Variants in EXT1 observed in about 807,000 individuals in gnomAD.
EXT1 encodes exostosin-1.
Under a neutral mutation model 82.5 loss-of-function variants are expected in EXT1, and 20 were observed. The observed-to-expected ratio is 0.24, with a 90% CI of 0.17 to 0.35. The LOEUF (loss-of-function observed/expected upper bound fraction) is 0.35, where lower values mean the gene tolerates loss of function less well. EXT1 is among the 10% of genes least tolerant of loss of function. The pLI, the probability that EXT1 is intolerant of heterozygous loss-of-function variation, is 1.00. For synonymous variants in EXT1, 348 were observed against 350.8 expected (o/e 0.99, Z 0.09); for missense variants, 757 against 936.5 (o/e 0.81, Z 2.50).
chr8:117,926,795 A>G (rs1203063871), intron 1 of EXT1, among the ~76,000 whole-genome samples: 1 of 152,214 alleles, frequency 6.6e-6, no homozygotes, highest in Non-Finnish European at 1.5e-5. Context: ...ATGTTTATTT[A>G]CCTTCTATTT....
intron 1 of EXT1, among the ~76,000 whole-genome samples, chr8:117,949,420 T>C (rs1421643956): frequency 6.6e-6 from 1 of 151,394 alleles, no homozygotes; most frequent in African/African-American, 2.4e-5. Context: ...GACATATTTA[T>C]AATCCACAGG....
chr8:118,074,226 C>T (rs1817162075), intron 1 of EXT1, among the ~76,000 whole-genome samples: 1 of 152,112 alleles, frequency 6.6e-6, no homozygotes, highest in African/African-American at 2.4e-5. Flanking sequence ...TCTGAGATCA[C>T]CACCACAAAA....
In EXT1 at chr8:117,938,380, T is replaced by C. The variant is rs1315157280; in HGVS notation, c.963-101179A>G. On this transcript the variant is annotated intron_variant, in intron 1 of 10. Transcript: ENST00000378204. ...AGGAGGCTGAGGTGGGAGAATTGCT[T>C]GAGGCCAGGAGGTAAAGGTTGCGGT... is the stretch of plus-strand genomic sequence containing the variant. Among the ~76,000 whole-genome samples, 3 of 152,164 alleles carry C rather than the reference T, an allele frequency of 2.0e-5. No homozygotes were observed. In the Middle Eastern group the frequency reaches 9.5e-3, roughly 482 times the overall value.
At chr8:118,038,337 A>G (rs2129896050) in intron 1 of EXT1, among the ~76,000 whole-genome samples, 1 of 152,366 alleles carries the variant, frequency 6.6e-6, no homozygotes, top group South Asian at 2.1e-4. Flanking sequence ...TGGATAAAAT[A>G]TAAATTCAAT....
chr8:117,908,554 C>A (rs1044334785), intron 1 of EXT1, among the ~76,000 whole-genome samples: 1 of 151,844 alleles, frequency 6.6e-6, no homozygotes, highest in Non-Finnish European at 1.5e-5. Flanking sequence ...CACTTGAACT[C>A]GGGAGGCAGA....
chr8:117,971,793 A>T (rs1193782055), intron 1 of EXT1, among the ~76,000 whole-genome samples: 5 of 152,142 alleles, frequency 3.3e-5, no homozygotes, highest in Non-Finnish European at 7.4e-5. Context: ...CTTTCTTGAC[A>T]TTTTTCCAAA....
At chr8:117,885,394 A>G (rs1306640675) in intron 1 of EXT1, among the ~76,000 whole-genome samples, 2 of 152,018 alleles carry the variant, frequency 1.3e-5, no homozygotes, top group African/African-American at 4.8e-5. Context: ...CTTAATATCT[A>G]AAGTCTAAAG....
intron 1 of EXT1, among the ~76,000 whole-genome samples, chr8:117,976,423 C>T (rs1040641641): frequency 2.0e-5 from 3 of 152,178 alleles, no homozygotes; most frequent in Admixed American, 6.5e-5. Context: ...ATTCATAAAA[C>T]GAATACTGCT....
At chr8:117,956,609 A>AT (rs949258102) in intron 1 of EXT1, among the ~76,000 whole-genome samples, 7 of 151,296 alleles carry the variant, frequency 4.6e-5, no homozygotes, top group Non-Finnish European at 7.4e-5. Flanking sequence ...TACCTGGCTA[A>AT]TTTTTTTTTG....
intron 3 of EXT1, among the ~76,000 whole-genome samples, chr8:117,835,124 G>T (rs953104382): frequency 6.6e-6 from 1 of 152,100 alleles, no homozygotes; most frequent in Non-Finnish European, 1.5e-5. Flanking sequence ...GAAACAGTAG[G>T]GTAGAATAAA....
chr8:117,888,256 A>G (rs559069463), intron 1 of EXT1, among the ~76,000 whole-genome samples: 1 of 152,096 alleles, frequency 6.6e-6, no homozygotes, highest in African/African-American at 2.4e-5. Flanking sequence ...AGAGGTTATC[A>G]TTTTATGCTA....
At chr8:117,805,177 C>A (rs1308380110) in intron 9 of EXT1, among the ~76,000 whole-genome samples, 1 of 152,168 alleles carries the variant, frequency 6.6e-6, no homozygotes, top group African/African-American at 2.4e-5. Flanking sequence ...AAACAAGGCA[C>A]AGAGATACAG....
chr8:117,930,200 T>C (rs1310174774), intron 1 of EXT1, among the ~76,000 whole-genome samples: 1 of 152,116 alleles, frequency 6.6e-6, no homozygotes, highest in African/African-American at 2.4e-5. Flanking sequence ...TATCACTCAT[T>C]GTCATCCCAA....
intron 1 of EXT1, among the ~76,000 whole-genome samples, chr8:117,860,146 CAAAAAAAAAAAAA>C (rs34399339): frequency 2.6e-5 from 2 of 76,896 alleles, no homozygotes; most frequent in Non-Finnish European, 4.6e-5. Context: ...GATTCTATCT[CAAAAAAAAAAAAA>C]AAAAAAAAAA....
rs954292661 is a variant in EXT1, at chr8:117,925,555, C to A, written c.963-88354G>T. The stretch of plus-strand genomic sequence containing the variant: ...TGACCCCAGGTTTATGAGAACAGAT[C>A]TGAAGTAGTTTTGACATAAAAACAA... On this transcript the variant is annotated intron_variant, in intron 1 of 10. Coordinates refer to ENST00000378204, the MANE Select transcript of EXT1 (RefSeq NM_000127.3). Among the ~76,000 whole-genome samples the A allele has an allele frequency of 3.9e-5, 6 of 151,900 alleles. No homozygotes were observed. The South Asian group carries it at 1.2e-3, about 32-fold the overall frequency.
intron 1 of EXT1, among the ~76,000 whole-genome samples, chr8:118,022,875 T>C (rs369530749): frequency 3.2e-4 from 49 of 152,302 alleles, no homozygotes; most frequent in African/African-American, 1.1e-3. Flanking sequence ...AAATAAAATA[T>C]TTGAACCCTG....
At chr8:118,009,166 A>G (rs959869915) in intron 1 of EXT1, among the ~76,000 whole-genome samples, 1 of 152,174 alleles carries the variant, frequency 6.6e-6, no homozygotes, top group African/African-American at 2.4e-5. Context: ...GAAGTCTGTG[A>G]GTCCTATCTG....
intron 1 of EXT1, among the ~76,000 whole-genome samples, chr8:117,982,410 C>CT (rs1292679337): frequency 2.0e-5 from 3 of 152,208 alleles, no homozygotes. Flanking sequence ...TGTCTAGCCC[C>CT]TTTTAAGGGC....
intron 1 of EXT1, among the ~76,000 whole-genome samples, chr8:117,870,850 A>ACACACACACAC (rs1563586222): frequency 1.1e-5 from 1 of 89,666 alleles, no homozygotes; most frequent in African/African-American, 9.7e-5. Flanking sequence ...CACACACACA[A>ACACACACACAC]AAGATTGAAG....
Sources: allele counts gnomAD v4.1 joint callset (sites outside exome capture counted in the v4.1 genomes callset), GRCh38; gene constraint gnomAD v4.1.1; transcripts MANE v1.5; gene names NCBI Gene and HGNC (gene_info 2026-07-23, HGNC 2026-07-21).